DMD: variants seen among roughly 807,000 people sequenced by gnomAD.
DMD encodes dystrophin.
A neutral mutation model predicts 330.1 loss-of-function variants in DMD; 63 were observed. That is an observed-to-expected ratio of 0.19 (90% CI 0.16 to 0.24). The LOEUF (loss-of-function observed/expected upper bound fraction) is 0.24, where lower values mean the gene tolerates loss of function less well. Among genes scored for constraint, DMD ranks in the 10% least tolerant of loss-of-function variants. The pLI is 1.00. For missense variants in DMD, 3,344 were observed against 2,684.1 expected (o/e 1.25, Z -5.43); for synonymous variants, 1,223 against 959.8 (o/e 1.27, Z -5.07).
chrX:32,552,714 A>T (rs2049717470), intron 16 of DMD, among the ~76,000 whole-genome samples: 1 of 112,236 alleles, frequency 8.9e-6, no homozygotes, highest in Non-Finnish European at 1.9e-5. Flanking sequence ...AGGAACTTAA[A>T]TTTACAAGCA....
intron 1 of DMD, among the ~76,000 whole-genome samples, chrX:33,039,555 T>C (rs1265611302): frequency 8.9e-6 from 1 of 111,878 alleles, no homozygotes; most frequent in Non-Finnish European, 1.9e-5. Flanking sequence ...TACAATGAAG[T>C]GTTTTCTTCA....
At chrX:32,293,896 T>C (rs1004731799) in intron 42 of DMD, among the ~76,000 whole-genome samples, 1 of 111,946 alleles carries the variant, frequency 8.9e-6, no homozygotes, top group Non-Finnish European at 1.9e-5. Context: ...CTAAAAGCCA[T>C]TGAACTCAAG....
chrX:33,276,922 A>G lies in DMD; in HGVS notation c.7+62337T>C, dbSNP rs967344663. ...CAAAACTGCGGTATAATATCAAAAG[A>G]ATTGACATTGGTATAATCCATAAAC... is the stretch of plus-strand genomic sequence containing the variant. On this transcript the variant is annotated intron_variant, in intron 1 of 17. Coordinates refer to the DMD transcript ENST00000288447. Among the ~76,000 whole-genome samples the G allele has an allele frequency of 1.5e-4, 17 of 112,209 alleles. No homozygotes were observed. The Admixed American group carries it at 1.6e-3, about 11-fold the overall frequency.
chrX:32,759,504 G>T (rs1318634457), intron 7 of DMD, among the ~76,000 whole-genome samples: 1 of 110,825 alleles, frequency 9.0e-6, no homozygotes, highest in Non-Finnish European at 1.9e-5. Context: ...GGCACACCTG[G>T]CAACATGGGA....
intron 41 of DMD, among the ~76,000 whole-genome samples, chrX:32,336,022 TATATAAC>T (rs2097712017): frequency 2.0e-5 from 2 of 99,626 alleles, no homozygotes; most frequent in African/African-American, 3.6e-5. Flanking sequence ...ATAACGTGTA[TATATAAC>T]GTTATATATA....
intron 53 of DMD, among the ~76,000 whole-genome samples, chrX:31,663,265 A>G (rs2081236195): frequency 9.0e-6 from 1 of 111,508 alleles, no homozygotes; most frequent in South Asian, 3.8e-4. Context: ...TGGGTGAATT[A>G]GCACCCGATG....
At chrX:33,119,662 G>C (rs1434590617) in intron 1 of DMD, among the ~76,000 whole-genome samples, 5 of 111,327 alleles carry the variant, frequency 4.5e-5, no homozygotes, top group African/African-American at 1.6e-4. Context: ...GATATTGGAC[G>C]CATCAGAGCA....
intron 55 of DMD, among the ~76,000 whole-genome samples, chrX:31,537,443 C>T (rs2073485886): frequency 1.8e-5 from 2 of 111,964 alleles, no homozygotes; most frequent in East Asian, 2.8e-4. Context: ...GTTTTAATTA[C>T]GTATATACTG....
intron 44 of DMD, among the ~76,000 whole-genome samples, chrX:32,189,983 A>G (rs757317654): frequency 9.0e-5 from 10 of 111,330 alleles, no homozygotes; most frequent in African/African-American, 3.3e-4. Flanking sequence ...ATATGTAAAC[A>G]TACCAGCTTT....
intron 1 of DMD, among the ~76,000 whole-genome samples, chrX:33,170,582 T>G (rs961180007): frequency 1.8e-5 from 2 of 111,587 alleles, no homozygotes; most frequent in Non-Finnish European, 3.8e-5. Flanking sequence ...GTATTTTACT[T>G]AACCAAACAG....
intron 20 of DMD, among the ~76,000 whole-genome samples, chrX:32,487,542 T>C: frequency 8.9e-6 from 1 of 111,737 alleles, no homozygotes. Flanking sequence ...TTAATATTTA[T>C]GGAGGCATTC....
At chrX:33,302,230 G>A (rs1463830869) in intron 1 of DMD, among the ~76,000 whole-genome samples, 1 of 111,237 alleles carries the variant, frequency 9.0e-6, no homozygotes, top group East Asian at 2.8e-4. Context: ...GAATAACCTT[G>A]TCCATACTAT....
chrX:32,448,270 T>C (rs1398142125), intron 27 of DMD, among the ~76,000 whole-genome samples, 186 bp downstream of exon 27: 1 of 111,097 alleles, frequency 9.0e-6, no homozygotes, highest in Non-Finnish European at 1.9e-5. Context: ...TTATGTCTAG[T>C]TGACAGATTG....
intron 39 of DMD, 88 bp from the exon 40 acceptor site, chrX:32,343,374 C>A: frequency 1.1e-6 from 1 of 874,949 alleles, no homozygotes; most frequent in Non-Finnish European, 1.6e-6. Context: ...AATTTGCGTC[C>A]CTCATCTTTT....
At chrX:31,224,308 C>T in intron 63 of DMD, among the ~76,000 whole-genome samples, 1 of 111,969 alleles carries the variant, frequency 8.9e-6, no homozygotes, top group East Asian at 2.8e-4. Flanking sequence ...ACCTACGAAA[C>T]CAATTCTGAT....
chrX:32,671,539 T>C (rs183008301), intron 9 of DMD, among the ~76,000 whole-genome samples: 1 of 112,022 alleles, frequency 8.9e-6, no homozygotes. Flanking sequence ...GATAAAAATA[T>C]TATAATCATT....
chrX:31,548,940 T>A (rs1247379908), intron 55 of DMD, among the ~76,000 whole-genome samples: 1 of 110,063 alleles, frequency 9.1e-6, no homozygotes, highest in Non-Finnish European at 1.9e-5. Flanking sequence ...ACTGATTTTT[T>A]TTAAAAAAAA....
chrX:31,367,412 C>T (rs1043878528), intron 60 of DMD, among the ~76,000 whole-genome samples: 4 of 110,613 alleles, frequency 3.6e-5, no homozygotes, highest in Admixed American at 1.9e-4. Context: ...ACTACATGCT[C>T]GAGGAAGGAT....
intron 55 of DMD, among the ~76,000 whole-genome samples, chrX:31,537,813 T>C (rs943171001): frequency 8.9e-6 from 1 of 112,093 alleles, no homozygotes; most frequent in Admixed American, 9.5e-5. Context: ...GTCAATTACC[T>C]TGATGTACAC....
Sources: gnomAD v4.1 joint callset for allele counts (sites outside exome capture counted in the v4.1 genomes callset) on GRCh38, gnomAD v4.1.1 for gene constraint, MANE v1.5 for transcripts, NCBI Gene and HGNC (gene_info 2026-07-23, HGNC 2026-07-21) for gene names.